APBA1: variants seen among roughly 807,000 people sequenced by gnomAD.
APBA1 encodes the protein amyloid-beta A4 precursor protein-binding family A member 1.
In APBA1, 55 loss-of-function variants were observed where a neutral mutation model predicts 86.6. That is an observed-to-expected ratio of 0.64 (90% CI 0.51 to 0.80). APBA1 has a LOEUF of 0.80. APBA1 is among the 30% of genes least tolerant of loss of function. The probability of loss-of-function intolerance (pLI) is 0.00; values close to 1 mark genes in which losing one functional copy is unlikely to be tolerated. For missense variants in APBA1, 1,090 were observed against 1,183.0 expected (o/e 0.92, Z 1.15); for synonymous variants, 511 against 493.9 (o/e 1.03, Z -0.46).
chr9:69,516,215 G>GCCGCCGCCCGCGGGGC lies in APBA1; in HGVS notation c.980_995dup (p.Glu333ProfsTer59). The GCCGCCGCCCGCGGGGC allele has an allele frequency of 6.7e-7, 1 of 1,497,988 alleles. No homozygotes were observed. Among genetic ancestry groups the GCCGCCGCCCGCGGGGC allele is most frequent in the Non-Finnish European group, 8.9e-7 (1 of 1,120,552 alleles). 92.8% of individuals were successfully genotyped at this position (1,497,988 alleles called of 1,614,324 possible). A position where few individuals can be genotyped will look rare whatever the true frequency, so the allele number is the denominator to read the frequency against. Reference sequence around the variant, plus strand: ...CCTTGCTGTACCGCTGCCCCGCCTCGCCGCCGCCCGCGGGGCCCACCGCCC... The same window carrying GCCGCCGCCCGCGGGGC: ...CCTTGCTGTACCGCTGCCCCGCCTCGCCGCCGCCCGCGGGGCCCGCCGCCCGCGGGGCCCACCGCCC... On this transcript the variant is annotated frameshift_variant, in exon 2 of 13. Transcript: ENST00000265381. LOFTEE classifies it high-confidence loss of function. This position sits in a 1 kb window ranked among gnomAD's most constrained non-coding sequence, Gnocchi z 7.3.
At chr9:69,569,398 C>T (rs1466288186) in intron 1 of APBA1, among the ~76,000 whole-genome samples, 1 of 151,938 alleles carries the variant, frequency 6.6e-6, no homozygotes, top group Admixed American at 6.6e-5. Context: ...TTTGCCTCTC[C>T]CCTGCACCCT....
At position 69,431,161 on chromosome 9, in the gene APBA1, A is replaced by T. The variant is rs1191311014; in HGVS notation, c.*166T>A. 4.2e-6 allele frequency: 2 copies of T among 476,668 alleles called. No homozygotes were observed. Among genetic ancestry groups the T allele is most frequent in the Non-Finnish European group, 7.4e-6 (2 of 271,950 alleles). 29.5% of individuals were successfully genotyped at this position (476,668 alleles called of 1,614,324 possible). A position where few individuals can be genotyped will look rare whatever the true frequency, so the allele number is the denominator to read the frequency against. The stretch of plus-strand genomic sequence containing the variant: ...GTATTGAAAAAAAAAAAAAAAAAAA[A>T]GCAAATCGGAGAGAGTAAAGAGGTC... On this transcript the variant is annotated 3_prime_UTR_variant, in exon 13 of 13. Transcript: ENST00000265381.
intron 1 of APBA1, among the ~76,000 whole-genome samples, chr9:69,589,694 A>G (rs1822090105): frequency 6.6e-6 from 1 of 152,218 alleles, no homozygotes; most frequent in African/African-American, 2.4e-5. Context: ...CAATTCAGTT[A>G]GCTTTCAAAA....
At chr9:69,567,596 C>T (rs948563637) in intron 1 of APBA1, among the ~76,000 whole-genome samples, 2 of 152,102 alleles carry the variant, frequency 1.3e-5, no homozygotes, top group East Asian at 1.9e-4. Flanking sequence ...CAACAGGCCC[C>T]GGTGTGTGAT....
At chr9:69,577,606 C>A (rs575666232) in intron 1 of APBA1, among the ~76,000 whole-genome samples, 13 of 152,132 alleles carry the variant, frequency 8.5e-5, no homozygotes, top group African/African-American at 3.1e-4. Flanking sequence ...AGTGAAGAAA[C>A]CACAGGAGGG....
Position 69,449,701 on chromosome 9 carries a change from C to T in APBA1, c.2064G>A (p.Met688Ile). 5 of 1,614,106 alleles carry T rather than the reference C, an allele frequency of 3.1e-6. No homozygotes were observed. Among genetic ancestry groups the T allele is most frequent in the Non-Finnish European group, 4.2e-6 (5 of 1,180,020 alleles). ...ATTTCTCCGCAGGGCCACCATGCAT[C>T]ATGTTGGCAATGATCACGGTGGGGA... ...SILPTVIIAN[M>I]MHGGPAEKSG... Residue 688 changes from methionine (M) to isoleucine (I), a missense_variant, in exon 10 of 13, where the codon ATG becomes ATA. This residue lies in a region of APBA1 where 97 missense variants were observed against 166.8 expected (regional missense o/e 0.58). Coordinates refer to ENST00000265381, the MANE Select transcript of APBA1 (RefSeq NM_001163.4).
At chr9:69,530,005 A>G (rs1836400070) in intron 1 of APBA1, among the ~76,000 whole-genome samples, 1 of 152,166 alleles carries the variant, frequency 6.6e-6, no homozygotes, top group Non-Finnish European at 1.5e-5. Context: ...TCAAAAAACA[A>G]CACATGTAGG....
At chr9:69,641,400 T>C (rs868241493) in intron 1 of APBA1, among the ~76,000 whole-genome samples, 45 of 152,326 alleles carry the variant, frequency 3.0e-4, no homozygotes, top group African/African-American at 1.1e-3. Context: ...AACTGACAAG[T>C]AGATTATAAA....
chr9:69,557,994 G>A (rs1168955962), intron 1 of APBA1, among the ~76,000 whole-genome samples: 1 of 152,058 alleles, frequency 6.6e-6, no homozygotes, highest in African/African-American at 2.4e-5. Context: ...TTCATTTTCT[G>A]AGGCATACAT....
chr9:69,468,646 T>A (rs147099362), intron 4 of APBA1, among the ~76,000 whole-genome samples: 11 of 152,248 alleles, frequency 7.2e-5, no homozygotes, highest in Non-Finnish European at 1.3e-4. Context: ...TGCCCACACA[T>A]AGACAGATTC....
At chr9:69,585,191 G>A (rs1564084309) in intron 1 of APBA1, among the ~76,000 whole-genome samples, 1 of 152,230 alleles carries the variant, frequency 6.6e-6, no homozygotes, top group Non-Finnish European at 1.5e-5. Context: ...GTCAGGTAGT[G>A]AGAATGCTAT....
chr9:69,581,097 C>CA (rs1425920505), intron 1 of APBA1, among the ~76,000 whole-genome samples: 2 of 152,166 alleles, frequency 1.3e-5, no homozygotes, highest in Non-Finnish European at 2.9e-5. Context: ...GCGTCATCTC[C>CA]AGACACCCTT....
chr9:69,644,749 G>T (rs1193533121), intron 1 of APBA1, among the ~76,000 whole-genome samples: 3 of 152,178 alleles, frequency 2.0e-5, no homozygotes, highest in Non-Finnish European at 4.4e-5. Flanking sequence ...GAAAGCCAGG[G>T]TCCTAATGGT....
chr9:69,449,519 TG>T, intron 10 of APBA1, 64 bp downstream of exon 10: 2 of 1,399,228 alleles, frequency 1.4e-6, no homozygotes, highest in Non-Finnish European at 2.0e-6. Flanking sequence ...AATGACTGGA[TG>T]GGGGTCACAC....
rs1356270662 is a variant in APBA1 at position 69,452,383 on chromosome 9, A to G, written c.1789-82T>C. On this transcript the variant is annotated intron_variant, in intron 8 of 12. Transcript: ENST00000265381. The stretch of plus-strand genomic sequence containing the variant: ...GCCTGGCGCACTTCCCACCTGAACA[A>G]TGGCCCTCCTGGAGTCTGAGGAAAC... 4 of 1,378,816 alleles carry G rather than the reference A, an allele frequency of 2.9e-6. 1 individual carries two copies. The highest frequency in any genetic ancestry group is 2.0e-6 in the Non-Finnish European group (2 of 993,492). 85.4% of individuals were successfully genotyped at this position (1,378,816 alleles called of 1,614,324 possible).
intron 1 of APBA1, among the ~76,000 whole-genome samples, chr9:69,611,896 A>G (rs969437152): frequency 6.6e-6 from 1 of 152,204 alleles, no homozygotes; most frequent in Non-Finnish European, 1.5e-5. Context: ...AATGCTGTTT[A>G]GTTCACATTA....
At chr9:69,471,835 A>G (rs2133833692) in intron 3 of APBA1, 140 bp from the exon 4 acceptor site, 1 of 680,516 alleles carries the variant, frequency 1.5e-6, no homozygotes, top group East Asian at 2.7e-5. Context: ...TAGAGAAAGT[A>G]AAGTGCAGAT....
intron 1 of APBA1, among the ~76,000 whole-genome samples, chr9:69,558,247 T>G (rs1836892414): frequency 6.6e-6 from 1 of 152,174 alleles, no homozygotes; most frequent in African/African-American, 2.4e-5. Flanking sequence ...TATTTGGCTT[T>G]GAAAGTCTCT....
intron 1 of APBA1, among the ~76,000 whole-genome samples, chr9:69,593,380 G>T (rs970724263): frequency 6.6e-6 from 1 of 152,128 alleles, no homozygotes; most frequent in African/African-American, 2.4e-5. Flanking sequence ...TGCTTTGACA[G>T]GAAAAAGGCA....
Sources: allele counts gnomAD v4.1 joint callset (sites outside exome capture counted in the v4.1 genomes callset), GRCh38; gene constraint gnomAD v4.1.1; regional missense constraint gnomAD v4.1.1; non-coding constraint Gnocchi (gnomAD v3.1); transcripts MANE v1.5; gene names NCBI Gene and HGNC (gene_info 2026-07-23, HGNC 2026-07-21).